The following CNTN5 variants were observed in gnomAD, a reference collection of about 807,000 sequenced individuals.
The protein encoded by CNTN5 is contactin-5.
CNTN5 carries 77 observed loss-of-function variants against 129.1 expected under a neutral mutation model. The observed-to-expected ratio is 0.60, with a 90% CI of 0.50 to 0.72. The LOEUF is 0.72. Ranked by LOEUF, CNTN5 falls within the 30% of genes least tolerant of loss-of-function variation. The pLI is 0.00. For synonymous variants in CNTN5, 509 were observed against 465.6 expected, an observed-to-expected ratio of 1.09 and a Z score of -1.20; for missense variants, 1,478 against 1,328.8, an observed-to-expected ratio of 1.11 and a Z score of -1.75.
chr11:99,559,733 C>T (rs1250350639), intron 3 of CNTN5, among the ~76,000 whole-genome samples: 2 of 152,008 alleles, frequency 1.3e-5, no homozygotes, highest in African/African-American at 4.8e-5. Context: ...AAACTTATAT[C>T]CACACAAAAA....
intron 3 of CNTN5, among the ~76,000 whole-genome samples, chr11:99,703,898 T>C (rs911208852): frequency 5.3e-5 from 8 of 151,074 alleles, no homozygotes; most frequent in Non-Finnish European, 1.0e-4. Context: ...AAATGTATGA[T>C]ATATAAGAAA....
At chr11:99,420,735 A>G (rs1942850645) in intron 2 of CNTN5, among the ~76,000 whole-genome samples, 1 of 152,212 alleles carries the variant, frequency 6.6e-6, no homozygotes, top group Non-Finnish European at 1.5e-5. Flanking sequence ...TGGCTGCTTC[A>G]CTGGTTAACT....
intron 3 of CNTN5, among the ~76,000 whole-genome samples, chr11:99,565,387 C>T (rs1478078526): frequency 6.6e-6 from 1 of 152,188 alleles, no homozygotes; most frequent in Non-Finnish European, 1.5e-5. Context: ...TAAAAGTTGT[C>T]ACCATGCCCA....
At chr11:99,297,849 C>G (rs553148874) in intron 1 of CNTN5, among the ~76,000 whole-genome samples, 1 of 152,266 alleles carries the variant, frequency 6.6e-6, no homozygotes, top group Non-Finnish European at 1.5e-5. Context: ...TTAGCGCTTA[C>G]TACCAGTTTC....
At chr11:99,308,125 C>T (rs1864951137) in intron 1 of CNTN5, among the ~76,000 whole-genome samples, 2 of 152,168 alleles carry the variant, frequency 1.3e-5, no homozygotes, top group South Asian at 4.1e-4. Flanking sequence ...TGGAGAACAT[C>T]CAATCCAGTC....
intron 3 of CNTN5, among the ~76,000 whole-genome samples, chr11:99,595,088 G>T (rs1196359584): frequency 6.6e-6 from 1 of 152,094 alleles, no homozygotes; most frequent in African/African-American, 2.4e-5. Flanking sequence ...ACCAGAAGAG[G>T]GTGGTCAATG....
intron 1 of CNTN5, among the ~76,000 whole-genome samples, chr11:99,108,293 A>C (rs1446067316): frequency 6.6e-6 from 1 of 152,220 alleles, no homozygotes; most frequent in Non-Finnish European, 1.5e-5. Context: ...GATCTAATTT[A>C]GATCCTAGAA....
chr11:99,812,977 C>T (rs559990453), intron 3 of CNTN5, among the ~76,000 whole-genome samples: 7 of 151,474 alleles, frequency 4.6e-5, no homozygotes, highest in African/African-American at 1.2e-4. Flanking sequence ...TAATGTTCCT[C>T]TACTAATATT....
chr11:99,101,819 C>A (rs979515574), intron 1 of CNTN5, among the ~76,000 whole-genome samples: 2 of 152,176 alleles, frequency 1.3e-5, no homozygotes, highest in African/African-American at 2.4e-5. Flanking sequence ...GTGGATCTAC[C>A]TTTCTGGGTG....
chr11:99,553,790 A>G (rs1591269341), intron 2 of CNTN5, among the ~76,000 whole-genome samples: 1 of 152,048 alleles, frequency 6.6e-6, no homozygotes, highest in Non-Finnish European at 1.5e-5. Context: ...AATACTAGAA[A>G]GAGACAGAAA....
chr11:99,466,447 C>T (rs984515882), intron 2 of CNTN5, among the ~76,000 whole-genome samples: 1 of 151,936 alleles, frequency 6.6e-6, no homozygotes, highest in Non-Finnish European at 1.5e-5. Flanking sequence ...TTTTCAGAAC[C>T]CCATGTTGTG....
At chr11:100,036,660 A>G (rs1081344) in intron 9 of CNTN5, among the ~76,000 whole-genome samples, 20,192 of 129,646 alleles carry the variant, frequency 0.16, 1,779 homozygotes, top group Middle Eastern at 0.34. Flanking sequence ...GTGGTTTGTC[A>G]TTCTCCTTGA....
At chr11:99,184,699 C>A (rs1424064846) in intron 1 of CNTN5, among the ~76,000 whole-genome samples, 2 of 152,032 alleles carry the variant, frequency 1.3e-5, no homozygotes. Flanking sequence ...TGCCATACAG[C>A]TTGAAGTGTA....
chr11:99,040,220 A>T (rs1379660886), intron 1 of CNTN5, among the ~76,000 whole-genome samples: 1 of 152,104 alleles, frequency 6.6e-6, no homozygotes, highest in East Asian at 1.9e-4. Context: ...AGATAGGAAA[A>T]ATATAAAATA....
intron 21 of CNTN5, chr11:100,337,338 T>C: frequency 1.2e-6 from 1 of 868,290 alleles, no homozygotes; most frequent in Admixed American, 1.7e-5. Context: ...ATTCTGGAAG[T>C]GATCGATGCA....
chr11:100,281,428 A>C (rs1467749407), intron 18 of CNTN5, among the ~76,000 whole-genome samples: 2 of 152,130 alleles, frequency 1.3e-5, no homozygotes, highest in Non-Finnish European at 2.9e-5. Flanking sequence ...CCTGGCCTGT[A>C]AAGTTTCCAC....
intron 10 of CNTN5, among the ~76,000 whole-genome samples, chr11:100,064,200 C>G (rs963536058): frequency 6.6e-6 from 1 of 152,146 alleles, no homozygotes; most frequent in African/African-American, 2.4e-5. Context: ...TCATGTAGTA[C>G]TGAAAACAAT....
At chr11:99,978,572 C>A (rs1938142480) in intron 8 of CNTN5, among the ~76,000 whole-genome samples, 1 of 152,136 alleles carries the variant, frequency 6.6e-6, no homozygotes, top group South Asian at 2.1e-4. Flanking sequence ...AAAATACTTA[C>A]CATTGTATTA....
rs1952580490 is a variant in CNTN5, at chr11:100,358,760, C to T, written c.*2540C>T. The T allele has an allele frequency of 1.3e-5, 2 of 151,830 alleles. No homozygotes were observed. The highest frequency in any genetic ancestry group is 4.1e-4 in the South Asian group (2 of 4,822). 9.4% of individuals were successfully genotyped at this position (151,830 alleles called of 1,614,324 possible). ...GTCAAACTGTTAAATATATTGTGTA[C>T]GATCTGTATATATACTATATATAAG... is the stretch of plus-strand genomic sequence containing the variant. On this transcript the variant is annotated 3_prime_UTR_variant, in exon 25 of 25. Transcript: ENST00000524871.
Sources: gnomAD v4.1 joint callset for allele counts (sites outside exome capture counted in the v4.1 genomes callset) on GRCh38, gnomAD v4.1.1 for gene constraint, MANE v1.5 for transcripts, NCBI Gene and HGNC (gene_info 2026-07-23, HGNC 2026-07-21) for gene names.